GABRB1: variants seen among roughly 807,000 people sequenced by gnomAD.
GABRB1 encodes the protein gamma-aminobutyric acid receptor subunit beta-1.
Under a neutral mutation model 51.6 loss-of-function variants are expected in GABRB1, and 17 were observed. That is an observed-to-expected ratio of 0.33 (90% CI 0.23 to 0.49). The LOEUF (loss-of-function observed/expected upper bound fraction) is 0.49, where lower values mean the gene tolerates loss of function less well. Ranked by LOEUF, GABRB1 falls within the 20% of genes least tolerant of loss-of-function variation. GABRB1 has a pLI of 0.99. For missense variants in GABRB1, 410 were observed against 600.6 expected (o/e 0.68, Z 3.32); for synonymous variants, 247 against 218.9 (o/e 1.13, Z -1.14).
intron 5 of GABRB1, among the ~76,000 whole-genome samples, chr4:47,394,652 A>T (rs187496154): frequency 6.6e-6 from 1 of 152,048 alleles, no homozygotes; most frequent in Admixed American, 6.5e-5. Context: ...ACTTATTTTG[A>T]TTCCATCTAT....
chr4:47,031,676 A>C lies in GABRB1; in HGVS notation c.25A>C (p.Ser9Arg), dbSNP rs560003460. 1.9e-6 allele frequency: 3 copies of C among 1,613,862 alleles called. No individual in the cohort carries two copies. Among genetic ancestry groups the C allele is most frequent in the African/African-American group, 2.7e-5 (2 of 75,030 alleles). The change falls in exon 1 of 9, where the codon AGT (serine) becomes CGT (arginine). Residue 9 changes from serine to arginine, a missense_variant. Transcript: ENST00000295454. MWTVQNRE[S>R]LGLLSFPVMI... ...AATGTGGACAGTACAAAATCGAGAG[A>C]GTCTGGGGCTTCTCTCTTTCCCTGT...
chr4:47,282,992 G>A (rs902562813), intron 4 of GABRB1, among the ~76,000 whole-genome samples: 1 of 152,198 alleles, frequency 6.6e-6, no homozygotes, highest in African/African-American at 2.4e-5. Flanking sequence ...TTTCAAGAAG[G>A]GAAGAGAGAG....
intron 4 of GABRB1, among the ~76,000 whole-genome samples, chr4:47,287,954 A>G (rs1076015): frequency 0.57 from 86,789 of 151,986 alleles, 25,073 homozygotes; most frequent in East Asian, 0.68. Context: ...TGGAGCTTTC[A>G]GATATGACCA....
chr4:47,048,381 A>G (rs1191840841), intron 3 of GABRB1, among the ~76,000 whole-genome samples: 1 of 152,172 alleles, frequency 6.6e-6, no homozygotes, highest in East Asian at 1.9e-4. Context: ...AAGAGGAGAC[A>G]CAGCAGATGT....
chr4:47,251,019 G>A (rs10010157), intron 4 of GABRB1, among the ~76,000 whole-genome samples: 31,140 of 151,976 alleles, frequency 0.2, 3,349 homozygotes, highest in East Asian at 0.25. Flanking sequence ...GTGTTAAAGA[G>A]TTTTGTTTTG....
Position 47,358,389 on chromosome 4 carries a change from GTA to G in GABRB1, c.544+38195_544+38196del, listed in dbSNP as rs766806108. ...TATATATATGTGTGTGTGTATATAT[GTA>G]TATATATATATATAGAGAGAGAGAG... On this transcript the variant is annotated intron_variant, in intron 5 of 8. Transcript: ENST00000295454. Among the ~76,000 whole-genome samples, 72 of 149,370 alleles carry G rather than the reference GTA, an allele frequency of 4.8e-4. No individual in the cohort carries two copies. The East Asian group carries it at 6.4e-3, about 13-fold the overall frequency.
chr4:47,137,027 G>A (rs115209151), intron 3 of GABRB1, among the ~76,000 whole-genome samples: 164 of 152,148 alleles, frequency 1.1e-3, no homozygotes, highest in Admixed American at 3.0e-3. Context: ...TGACTTTGCC[G>A]ATATGAAAAT....
At chr4:47,141,883 C>A (rs962635473) in intron 3 of GABRB1, among the ~76,000 whole-genome samples, 1 of 151,886 alleles carries the variant, frequency 6.6e-6, no homozygotes, top group Non-Finnish European at 1.5e-5. Flanking sequence ...TTAGCTATCA[C>A]AGAAGCAGAC....
chr4:47,378,125 A>G (rs1488159119), intron 5 of GABRB1, among the ~76,000 whole-genome samples: 1 of 152,182 alleles, frequency 6.6e-6, no homozygotes, highest in Non-Finnish European at 1.5e-5. Flanking sequence ...TGGGCTGCAC[A>G]GGAGCCCACA....
chr4:47,004,458 G>T (rs1374761452), intron 1 of GABRB1, among the ~76,000 whole-genome samples: 5 of 152,084 alleles, frequency 3.3e-5, no homozygotes, highest in Admixed American at 3.3e-4. Context: ...TGGGTACATG[G>T]TAGGTGTATT....
chr4:47,253,654 T>C (rs1722075646), intron 4 of GABRB1, among the ~76,000 whole-genome samples: 2 of 152,166 alleles, frequency 1.3e-5, no homozygotes, highest in African/African-American at 4.8e-5. Context: ...TTTGATTGGC[T>C]CCATTACTCT....
At chr4:47,298,569 C>G (rs1315321521) in intron 4 of GABRB1, among the ~76,000 whole-genome samples, 1 of 152,178 alleles carries the variant, frequency 6.6e-6, no homozygotes, top group Non-Finnish European at 1.5e-5. Flanking sequence ...CTACAAACCA[C>G]TGCTCAATGA....
At chr4:47,336,330 A>G (rs529281172) in intron 5 of GABRB1, among the ~76,000 whole-genome samples, 2 of 152,320 alleles carry the variant, frequency 1.3e-5, no homozygotes, top group South Asian at 4.1e-4. Flanking sequence ...TCTTGGTCAA[A>G]TCGGTGCTAG....
At chr4:47,127,472 T>C (rs1177352512) in intron 3 of GABRB1, among the ~76,000 whole-genome samples, 1 of 151,856 alleles carries the variant, frequency 6.6e-6, no homozygotes, top group Non-Finnish European at 1.5e-5. Flanking sequence ...AACTTAAAAA[T>C]GTTTAATGAA....
chr4:47,232,808 T>TTCTCAA (rs908025111), intron 4 of GABRB1, among the ~76,000 whole-genome samples: 1 of 152,008 alleles, frequency 6.6e-6, no homozygotes, highest in Non-Finnish European at 1.5e-5. Context: ...TCAAAAATGA[T>TTCTCAA]TCTCAAATTT....
Position 47,008,003 on chromosome 4 carries a change from G to A in GABRB1, c.-20+14077G>A, listed in dbSNP as rs572525644. ...GTTTTGGAGTGAAGAGAAGTATAGA[G>A]ACAGGCACGACAATTTGCCCTTACG... On this transcript the variant is annotated intron_variant, in intron 1 of 3. Coordinates refer to the GABRB1 transcript ENST00000513567. Among the ~76,000 whole-genome samples the A allele has an allele frequency of 3.3e-5, 5 of 151,930 alleles. No homozygotes were observed. In the South Asian group the frequency reaches 1.0e-3, roughly 32 times the overall value.
At chr4:47,405,227 G>C (rs190387963) in intron 7 of GABRB1, among the ~76,000 whole-genome samples, 2 of 152,236 alleles carry the variant, frequency 1.3e-5, no homozygotes, top group African/African-American at 4.8e-5. Flanking sequence ...ATTTATTACT[G>C]ATCTGAACCA....
chr4:47,036,635 G>C (rs1725581338), intron 3 of GABRB1, among the ~76,000 whole-genome samples: 1 of 152,170 alleles, frequency 6.6e-6, no homozygotes, highest in Non-Finnish European at 1.5e-5. Flanking sequence ...GCCAAGGCGA[G>C]TGTATCACTT....
intron 3 of GABRB1, among the ~76,000 whole-genome samples, chr4:47,048,857 C>T (rs1007923860): frequency 6.6e-6 from 1 of 152,038 alleles, no homozygotes; most frequent in Non-Finnish European, 1.5e-5. Context: ...TTCCTCTAGT[C>T]TGAATTCTGC....
Sources: allele counts gnomAD v4.1 joint callset (sites outside exome capture counted in the v4.1 genomes callset), GRCh38; gene constraint gnomAD v4.1.1; transcripts MANE v1.5; gene names NCBI Gene and HGNC (gene_info 2026-07-23, HGNC 2026-07-21).